Variants in TBC1D23 observed in about 807,000 individuals in gnomAD.
The protein encoded by TBC1D23 is HCV non-structural protein 4A-transactivated protein 1.
Under a neutral mutation model 91.4 loss-of-function variants are expected in TBC1D23, and 55 were observed. The ratio of observed to expected loss-of-function variants is 0.60; its 90% CI spans 0.48 to 0.75. The LOEUF is 0.75. TBC1D23 is among the 30% of genes least tolerant of loss of function. The probability of loss-of-function intolerance (pLI) is 0.00; values close to 1 mark genes in which losing one functional copy is unlikely to be tolerated. For synonymous variants in TBC1D23, 289 were observed against 281.0 expected (o/e 1.03, Z -0.28); for missense variants, 725 against 836.1 (o/e 0.87, Z 1.64).
intron 1 of TBC1D23, among the ~76,000 whole-genome samples, chr3:100,267,812 T>G (rs1196186774): frequency 6.6e-6 from 1 of 152,190 alleles, no homozygotes; most frequent in Admixed American, 6.5e-5. Context: ...AGCGTTACTC[T>G]TTATATATAA....
At chr3:100,320,057 A>G (rs1314242646) in intron 17 of TBC1D23, among the ~76,000 whole-genome samples, 3 of 152,038 alleles carry the variant, frequency 2.0e-5, no homozygotes, top group African/African-American at 7.2e-5. Flanking sequence ...TTCATGGTTT[A>G]CACATTGCAT....
chr3:100,299,290 G>T lies in TBC1D23; in HGVS notation c.1051G>T (p.Ala351Ser). 1 of 1,612,730 alleles carries T rather than the reference G, an allele frequency of 6.2e-7. No individual in the cohort carries two copies. The change falls in exon 10 of 19, where the codon GCT becomes TCT. Residue 351 changes from alanine (A) to serine (S), a missense_variant. Coordinates refer to ENST00000394144, the MANE Select transcript of TBC1D23 (RefSeq NM_001199198.3). ...VDCRPAEQYN[A>S]GHLSTAFHLD... ...TTGCCGTCCTGCAGAACAATATAATGCTGGGCATTTATCAACTGCTTTCCA... is the reference window on the plus strand; with the variant it reads ...TTGCCGTCCTGCAGAACAATATAATTCTGGGCATTTATCAACTGCTTTCCA...
At position 100,320,921 on chromosome 3, in the gene TBC1D23, C is replaced by A; in HGVS notation, c.1968C>A (p.Phe656Leu). The part of the protein sequence containing the change: ...SKKKHPELIT[F>L]KYGNSSASGI... ...AAAAACATCCTGAACTCATTACCTT[C>A]AAGTATGGAAATAGCAGTGCTTCAG... is the stretch of plus-strand genomic sequence containing the variant. The change falls in exon 18 of 19, where the codon TTC becomes TTA. Residue 656 changes from phenylalanine (F) to leucine (L), a missense_variant. By Grantham distance (22) the Phe-to-Leu change is conservative. Coordinates refer to ENST00000394144, the MANE Select transcript of TBC1D23 (RefSeq NM_001199198.3). 1.2e-6 allele frequency: 2 copies of A among 1,610,024 alleles called. No homozygotes were observed. Among genetic ancestry groups the A allele is most frequent in the Non-Finnish European group, 1.7e-6 (2 of 1,178,720 alleles).
At chr3:100,295,239 T>G in intron 6 of TBC1D23, 28 bp downstream of exon 6, 1 of 1,595,668 alleles carries the variant, frequency 6.3e-7, no homozygotes, top group Non-Finnish European at 8.5e-7. Context: ...TAGATTTTTT[T>G]TCCTCTTTTC....
chr3:100,321,022 TA>T, intron 18 of TBC1D23, 51 bp downstream of exon 18: 1 of 1,345,866 alleles, frequency 7.4e-7, no homozygotes, highest in Non-Finnish European at 1.0e-6. Context: ...TTATCTGAAT[TA>T]CTGTAGTTCA....
intron 17 of TBC1D23, 48 bp downstream of exon 17, chr3:100,319,252 G>A (rs1248877874): frequency 1.3e-6 from 2 of 1,506,220 alleles, no homozygotes; most frequent in Non-Finnish European, 1.8e-6. Flanking sequence ...ATTTGGGGAA[G>A]TTAATAATAC....
intron 13 of TBC1D23, among the ~76,000 whole-genome samples, chr3:100,308,773 C>A (rs1173136146): frequency 6.6e-6 from 1 of 152,032 alleles, no homozygotes; most frequent in African/African-American, 2.4e-5. Context: ...GTATAATTTT[C>A]CATCAAATAG....
At chr3:100,273,831 G>A (rs1173749243) in intron 1 of TBC1D23, among the ~76,000 whole-genome samples, 4 of 152,082 alleles carry the variant, frequency 2.6e-5, no homozygotes, top group African/African-American at 9.7e-5. Flanking sequence ...AATTGAAACT[G>A]GATCCCTTCT....
At chr3:100,283,014 A>G (rs1427742124) in intron 3 of TBC1D23, among the ~76,000 whole-genome samples, 2 of 152,244 alleles carry the variant, frequency 1.3e-5, no homozygotes, top group Non-Finnish European at 1.5e-5. Flanking sequence ...GTAAGAAAAC[A>G]TGCTTAAGTG....
At chr3:100,319,385 A>T (rs1705810210) in intron 17 of TBC1D23, among the ~76,000 whole-genome samples, 181 bp downstream of exon 17, 1 of 152,150 alleles carries the variant, frequency 6.6e-6, no homozygotes. Context: ...GAAAAATTTT[A>T]TACAAAAATG....
chr3:100,310,413 C>G lies in TBC1D23; in HGVS notation c.1424C>G (p.Pro475Arg). 6.2e-7 allele frequency: 1 copy of G among 1,611,000 alleles called. No homozygotes were observed. The highest frequency in any genetic ancestry group is 8.5e-7 in the Non-Finnish European group (1 of 1,178,968). The change falls in exon 14 of 19, where the codon CCT becomes CGT. Residue 475 changes from proline to arginine, a missense_variant. Coordinates refer to ENST00000394144, the MANE Select transcript of TBC1D23 (RefSeq NM_001199198.3). ...ATGTTCTTTTTTTAGGGTGAATCTC[C>G]TAATGGCTCAAGTGATAGAGGAATG... The part of the protein sequence containing the change: ...SSINSVDGES[P>R]NGSSDRGMKS...
rs770390644 is a variant in TBC1D23, at chr3:100,320,856, C to T, written c.1903C>T (p.Arg635Ter). Residue 635 changes from arginine to a stop codon, truncating the protein, a stop_gained, in exon 18 of 19, where the codon CGA becomes TGA. Coordinates refer to ENST00000394144, the MANE Select transcript of TBC1D23 (RefSeq NM_001199198.3). LOFTEE classifies it high-confidence loss of function. ...SRKGLAYIQS[R>*]QALNSVVKIT... ...GAAAGGATTGGCTTATATACAGTCTCGACAAGCGCTGAATTCTGTAGTTAA... is the reference window on the plus strand; with the variant it reads ...GAAAGGATTGGCTTATATACAGTCTTGACAAGCGCTGAATTCTGTAGTTAA... 5.6e-6 allele frequency: 9 copies of T among 1,612,670 alleles called. No individual in the cohort carries two copies. Among genetic ancestry groups the T allele is most frequent in the African/African-American group, 1.3e-5 (1 of 74,788 alleles).
intron 15 of TBC1D23, 135 bp from the exon 16 acceptor site, chr3:100,315,964 T>A: frequency 1.5e-6 from 1 of 664,424 alleles, no homozygotes; most frequent in Non-Finnish European, 2.7e-6. Flanking sequence ...CCTAAAACTA[T>A]GGGTAGTACA....
intron 1 of TBC1D23, among the ~76,000 whole-genome samples, chr3:100,276,289 A>G (rs539153413): frequency 6.6e-6 from 1 of 151,876 alleles, no homozygotes; most frequent in African/African-American, 2.4e-5. Flanking sequence ...GATTTCCTAT[A>G]ATATATATTA....
chr3:100,290,005 T>A (rs1254616271), intron 4 of TBC1D23, among the ~76,000 whole-genome samples: 1 of 152,246 alleles, frequency 6.6e-6, no homozygotes, highest in Non-Finnish European at 1.5e-5. Context: ...TTTTTCCATT[T>A]TGCTCTCACA....
intron 13 of TBC1D23, 36 bp from the exon 14 acceptor site, chr3:100,310,367 T>G (rs142804043): frequency 4.1e-4 from 652 of 1,588,734 alleles, no homozygotes; most frequent in Non-Finnish European, 3.0e-4. Flanking sequence ...CTTTTAGTCA[T>G]TCAGAGGCAG....
At chr3:100,313,309 T>TA (rs1306141871) in intron 15 of TBC1D23, among the ~76,000 whole-genome samples, 2 of 152,318 alleles carry the variant, frequency 1.3e-5, no homozygotes, top group African/African-American at 4.8e-5. Context: ...CACAGGTAGA[T>TA]ATATTTGTTT....
Position 100,316,129 on chromosome 3 carries a change from G to T in TBC1D23, c.1629G>T (p.Lys543Asn). 1 of 1,614,106 alleles carries T rather than the reference G, an allele frequency of 6.2e-7. No individual in the cohort carries two copies. The highest frequency in any genetic ancestry group is 8.5e-7 in the Non-Finnish European group (1 of 1,179,980). Reference sequence around the variant, plus strand: ...TGAGCAGCAGTGACAGAGTGGGCAAGCCTTACCGTGGCGTAAAGCCTGTTT... The same window carrying T: ...TGAGCAGCAGTGACAGAGTGGGCAATCCTTACCGTGGCGTAAAGCCTGTTT... The part of the protein sequence containing the change: ...RHVSSSDRVG[K>N]PYRGVKPVFS... The change falls in exon 16 of 19, where the codon AAG becomes AAT. Residue 543 changes from lysine (K) to asparagine (N), a missense_variant. By Grantham distance (94) the Lys-to-Asn change is moderately conservative. Coordinates refer to ENST00000394144, the MANE Select transcript of TBC1D23 (RefSeq NM_001199198.3).
chr3:100,274,275 A>C (rs974197089), intron 1 of TBC1D23, among the ~76,000 whole-genome samples: 1 of 152,170 alleles, frequency 6.6e-6, no homozygotes, highest in African/African-American at 2.4e-5. Context: ...AACTGACCCT[A>C]TAAGATAAGC....
Sources: allele counts gnomAD v4.1 joint callset (sites outside exome capture counted in the v4.1 genomes callset), GRCh38; gene constraint gnomAD v4.1.1; transcripts MANE v1.5; gene names NCBI Gene and HGNC (gene_info 2026-07-23, HGNC 2026-07-21).